Variants in HBS1L observed in about 807,000 individuals in gnomAD.
HBS1L encodes HBS1 like translational GTPase, also known as HBS1-like protein.
Under a neutral mutation model 88.9 loss-of-function variants are expected in HBS1L, and 55 were observed. That is an observed-to-expected ratio of 0.62 (90% CI 0.50 to 0.77). The LOEUF (loss-of-function observed/expected upper bound fraction) is 0.77. HBS1L is among the 30% of genes least tolerant of loss of function. The pLI is 0.00. For missense variants in HBS1L, 741 were observed against 829.3 expected (o/e 0.89, Z 1.31); for synonymous variants, 267 against 288.5 (o/e 0.93, Z 0.76).
intron 4 of HBS1L, among the ~76,000 whole-genome samples, chr6:135,017,376 C>T (rs1382482587): frequency 6.6e-6 from 1 of 152,096 alleles, no homozygotes; most frequent in Non-Finnish European, 1.5e-5. Flanking sequence ...CCATCAAGTT[C>T]GGTTTCTTTC....
intron 4 of HBS1L, among the ~76,000 whole-genome samples, chr6:135,033,970 G>A (rs1333309781): frequency 6.6e-6 from 1 of 152,018 alleles, no homozygotes; most frequent in East Asian, 1.9e-4. Context: ...GTTTGATCAA[G>A]GTTCAAGACC....
rs780319543 is a variant in HBS1L at position 134,997,435 on chromosome 6, C to T, written c.761G>A (p.Arg254Gln). Residue 254 changes from arginine (R) to glutamine (Q), a missense_variant, in exon 6 of 18, where the codon CGG becomes CAG. Coordinates refer to ENST00000367837, the MANE Select transcript of HBS1L (RefSeq NM_006620.4). ...QIDVKAELEKRQGGKQLLNLV... is the reference protein window; with the variant it reads ...QIDVKAELEKQQGGKQLLNLV... ...GTTGAGTAGCTGCTTCCCTCCTTGC[C>T]GCTTCTCCAGTTCCGCCTTCACATC... 3.1e-6 allele frequency: 5 copies of T among 1,614,030 alleles called. No individual in the cohort carries two copies. The highest frequency in any genetic ancestry group is 2.2e-5 in the South Asian group (2 of 91,084).
At chr6:134,997,127 T>C (rs1775312190) in intron 6 of HBS1L, among the ~76,000 whole-genome samples, 185 bp from the exon 7 acceptor site, 1 of 151,780 alleles carries the variant, frequency 6.6e-6, no homozygotes, top group African/African-American at 2.4e-5. Flanking sequence ...ACGGGGGGAA[T>C]TTCTCAGATT....
At chr6:135,009,283 T>C (rs868823960) in intron 4 of HBS1L, among the ~76,000 whole-genome samples, 1 of 152,198 alleles carries the variant, frequency 6.6e-6, no homozygotes, top group African/African-American at 2.4e-5. Context: ...AAAAAGTGTA[T>C]TCTACACTAT....
chr6:134,995,445 G>A (rs1775263450), intron 7 of HBS1L, among the ~76,000 whole-genome samples: 1 of 151,806 alleles, frequency 6.6e-6, no homozygotes, highest in African/African-American at 2.4e-5. Context: ...AAAACTAGCA[G>A]CAGCAAAACG....
rs1376165082 is a variant in HBS1L, at chr6:135,041,991, T to C, written c.235+10A>G. ...CTTTCAGATAACAGATACACTACTT[T>C]TTGCTATACCTTGATCAAATCCACT... On this transcript the variant is annotated intron_variant, in intron 3 of 17. Coordinates refer to ENST00000367837, the MANE Select transcript of HBS1L (RefSeq NM_006620.4). 1 of 1,611,146 alleles carries C rather than the reference T, an allele frequency of 6.2e-7. No individual in the cohort carries two copies. The highest frequency in any genetic ancestry group is 1.3e-5 in the African/African-American group (1 of 74,936).
intron 15 of HBS1L, among the ~76,000 whole-genome samples, chr6:134,969,636 T>C (rs1271944761): frequency 6.6e-6 from 1 of 152,218 alleles, no homozygotes; most frequent in Admixed American, 6.5e-5. Context: ...AACATCTTAG[T>C]GTTGTTCTAA....
intron 4 of HBS1L, among the ~76,000 whole-genome samples, 160 bp downstream of exon 4, chr6:135,039,413 T>C (rs1362030855): frequency 1.3e-5 from 2 of 151,998 alleles, no homozygotes; most frequent in Non-Finnish European, 2.9e-5. Flanking sequence ...ATCCTAAAAA[T>C]CCACAACTAG....
chr6:135,030,978 C>T (rs757915235), intron 4 of HBS1L, among the ~76,000 whole-genome samples: 1 of 152,112 alleles, frequency 6.6e-6, no homozygotes, highest in Non-Finnish European at 1.5e-5. Context: ...AGCTCTCATA[C>T]TGTAAACAAA....
intron 4 of HBS1L, among the ~76,000 whole-genome samples, chr6:135,027,533 A>AG (rs1776269991): frequency 6.6e-6 from 1 of 152,200 alleles, no homozygotes; most frequent in Admixed American, 6.5e-5. Flanking sequence ...CAAATGTAGT[A>AG]TTCATAGGAA....
chr6:135,011,382 T>C lies in HBS1L; in HGVS notation c.431-8540A>G, dbSNP rs1775768986. On this transcript the variant is annotated intron_variant, in intron 4 of 17. Transcript: ENST00000367837. ...AAAAAAATTTTCAATTAGCTGGGCGTATTAACATGCACCTGTAGTCCTAGC... is the reference window on the plus strand; with the variant it reads ...AAAAAAATTTTCAATTAGCTGGGCGCATTAACATGCACCTGTAGTCCTAGC... 2.0e-5 allele frequency among the ~76,000 whole-genome samples: 3 copies of C among 152,194 alleles called. No individual in the cohort carries two copies. In the South Asian group the frequency reaches 6.2e-4, roughly 32 times the overall value.
chr6:134,991,527 T>C (rs893058186), intron 8 of HBS1L, among the ~76,000 whole-genome samples: 1 of 152,054 alleles, frequency 6.6e-6, no homozygotes, highest in Admixed American at 6.6e-5. Context: ...CTTCCTAGAG[T>C]TGTTATAAAG....
At chr6:135,038,649 A>ACAAATCGCCATACT (rs1359726609) in intron 4 of HBS1L, among the ~76,000 whole-genome samples, 2 of 152,198 alleles carry the variant, frequency 1.3e-5, no homozygotes, top group Admixed American at 1.3e-4. Context: ...GACATAGTAA[A>ACAAATCGCCATACT]CAAATCGCCA....
At chr6:134,981,167 T>G (rs562772882) in intron 13 of HBS1L, among the ~76,000 whole-genome samples, 1 of 152,004 alleles carries the variant, frequency 6.6e-6, no homozygotes, top group South Asian at 2.1e-4. Flanking sequence ...TGGTTTTAAT[T>G]TATGGCTCTT....
intron 1 of HBS1L, among the ~76,000 whole-genome samples, 197 bp downstream of exon 1, chr6:135,054,452 C>T (rs571962034): frequency 3.9e-5 from 6 of 152,318 alleles, no homozygotes; most frequent in African/African-American, 1.4e-4. Flanking sequence ...AAAATCAACC[C>T]CAGAGGGCAG....
intron 4 of HBS1L, among the ~76,000 whole-genome samples, chr6:135,031,514 T>C (rs1434793326): frequency 2.6e-5 from 4 of 151,996 alleles, no homozygotes; most frequent in Non-Finnish European, 5.9e-5. Flanking sequence ...TGAAGAGAGA[T>C]GAACCAAGGA....
chr6:135,036,155 T>C, intron 4 of HBS1L: 1 of 775,888 alleles, frequency 1.3e-6, no homozygotes, highest in Middle Eastern at 6.6e-4. Flanking sequence ...CACATAAGAA[T>C]AATCTTCACA....
intron 7 of HBS1L, among the ~76,000 whole-genome samples, chr6:134,994,097 C>T (rs1278466385): frequency 6.6e-6 from 1 of 151,910 alleles, no homozygotes; most frequent in Non-Finnish European, 1.5e-5. Context: ...AAAGTAAGAG[C>T]TCAATAAAAA....
chr6:134,966,065 T>C (rs1181219000), intron 17 of HBS1L, among the ~76,000 whole-genome samples: 1 of 152,156 alleles, frequency 6.6e-6, no homozygotes, highest in South Asian at 2.1e-4. Flanking sequence ...CTCCAGCAAT[T>C]AGAATTTAAT....
Sources: gnomAD v4.1 joint callset for allele counts (sites outside exome capture counted in the v4.1 genomes callset) on GRCh38, gnomAD v4.1.1 for gene constraint, MANE v1.5 for transcripts, NCBI Gene and HGNC (gene_info 2026-07-23, HGNC 2026-07-21) for gene names.